The following KCND2 variants were observed in gnomAD, a reference collection of about 807,000 sequenced individuals.
KCND2 encodes A-type voltage-gated potassium channel KCND2.
In KCND2, 16 loss-of-function variants were observed where a neutral mutation model predicts 54.4. The ratio of observed to expected loss-of-function variants is 0.29; its 90% CI spans 0.20 to 0.45. KCND2 has a LOEUF of 0.45. KCND2 is among the 20% of genes least tolerant of loss of function. KCND2 has a pLI of 1.00. For missense variants in KCND2, 486 were observed against 824.2 expected, an observed-to-expected ratio of 0.59 and a Z score of 5.02; for synonymous variants, 317 against 310.7, an observed-to-expected ratio of 1.02 and a Z score of -0.21.
At chr7:120,678,482 T>C (rs1367210505) in intron 1 of KCND2, among the ~76,000 whole-genome samples, 1 of 147,072 alleles carries the variant, frequency 6.8e-6, no homozygotes, top group Non-Finnish European at 1.5e-5. Flanking sequence ...CTTACATACA[T>C]ACACATAAAT....
chr7:120,302,094 A>G (rs554467030), intron 1 of KCND2, among the ~76,000 whole-genome samples: 32 of 152,314 alleles, frequency 2.1e-4, no homozygotes, highest in African/African-American at 7.0e-4. Context: ...TGTACATCAT[A>G]TGATATAAAG....
intron 1 of KCND2, among the ~76,000 whole-genome samples, chr7:120,459,321 C>T (rs1584787784): frequency 6.6e-6 from 1 of 152,230 alleles, no homozygotes; most frequent in African/African-American, 2.4e-5. Flanking sequence ...GCCTGGAATG[C>T]TCTTCCCTCA....
chr7:120,611,326 T>C (rs1792951871), intron 1 of KCND2, among the ~76,000 whole-genome samples: 1 of 152,210 alleles, frequency 6.6e-6, no homozygotes, highest in Non-Finnish European at 1.5e-5. Flanking sequence ...GAAACTGAAC[T>C]GTAAAGAAAT....
At chr7:120,716,811 A>G (rs1374429102) in intron 1 of KCND2, among the ~76,000 whole-genome samples, 1 of 152,132 alleles carries the variant, frequency 6.6e-6, no homozygotes, top group Middle Eastern at 3.2e-3. Context: ...ATGAATTCAA[A>G]GTCTTAATAT....
At chr7:120,555,685 TAC>T (rs1261518627) in intron 1 of KCND2, among the ~76,000 whole-genome samples, 4 of 152,190 alleles carry the variant, frequency 2.6e-5, no homozygotes, top group African/African-American at 7.2e-5. Flanking sequence ...TTTAAATAGG[TAC>T]ACAGTGTAAA....
intron 1 of KCND2, among the ~76,000 whole-genome samples, chr7:120,472,654 A>T (rs1802476376): frequency 6.6e-6 from 1 of 151,872 alleles, no homozygotes; most frequent in South Asian, 2.1e-4. Context: ...AACTTTATGG[A>T]GGAGACCTGG....
intron 1 of KCND2, among the ~76,000 whole-genome samples, chr7:120,496,811 C>T (rs1276650476): frequency 6.6e-6 from 1 of 152,114 alleles, no homozygotes; most frequent in Non-Finnish European, 1.5e-5. Context: ...GTATTATACT[C>T]CAGTTTGTGT....
chr7:120,497,041 C>T lies in KCND2; in HGVS notation c.1115+221294C>T, dbSNP rs182493196. 9.7e-4 allele frequency among the ~76,000 whole-genome samples: 147 copies of T among 152,254 alleles called. 1 individual carries two copies. The highest frequency in any genetic ancestry group is 9.4e-3 in the Admixed American group (144 of 15,284). The stretch of plus-strand genomic sequence containing the variant: ...TTCTTCTTAAGATAAAGATAATTTA[C>T]AAGAACTGTCATGTCTGAGACTATA... On this transcript the variant is annotated intron_variant, in intron 1 of 5. Coordinates refer to ENST00000331113, the MANE Select transcript of KCND2 (RefSeq NM_012281.3).
At chr7:120,489,796 T>C (rs1473571967) in intron 1 of KCND2, among the ~76,000 whole-genome samples, 1 of 152,146 alleles carries the variant, frequency 6.6e-6, no homozygotes, top group Non-Finnish European at 1.5e-5. Flanking sequence ...TTTATAAATA[T>C]GTGGGTCTTG....
Position 120,745,983 on chromosome 7 carries a change from C to T in KCND2, c.1671C>T (p.Ser557=), listed in dbSNP as rs369805149. The change falls in exon 5 of 6, where the codon AGC becomes AGT. Residue 557 remains serine, a synonymous_variant. Transcript: ENST00000331113. ...ATCAAGGTAGTATACAAGAACTCAG[C>T]ACGATTCAGATCAGATGTGTGGAGA... ...GSHQGSIQEL[S]TIQIRCVERT... is the part of the protein sequence containing the mutation. 5 of 1,613,772 alleles carry T rather than the reference C, an allele frequency of 3.1e-6. No homozygotes were observed. In the Admixed American group the frequency reaches 8.3e-5, roughly 27 times the overall value.
At chr7:120,284,407 A>G (rs181760876) in intron 1 of KCND2, among the ~76,000 whole-genome samples, 6 of 152,232 alleles carry the variant, frequency 3.9e-5, no homozygotes, top group Admixed American at 3.3e-4. Flanking sequence ...GGAAAAATGA[A>G]ATTCTTCTCC....
intron 1 of KCND2, among the ~76,000 whole-genome samples, chr7:120,568,880 C>T (rs902999757): frequency 6.6e-6 from 1 of 152,130 alleles, no homozygotes; most frequent in African/African-American, 2.4e-5. Flanking sequence ...TTCATAAGGG[C>T]AGGGGCATAT....
chr7:120,477,192 G>A (rs918718237), intron 1 of KCND2, among the ~76,000 whole-genome samples: 2 of 152,198 alleles, frequency 1.3e-5, no homozygotes, highest in African/African-American at 4.8e-5. Context: ...GAATAGCTTA[G>A]AGTGGCATTC....
chr7:120,463,311 C>A (rs1028377022), intron 1 of KCND2, among the ~76,000 whole-genome samples: 4 of 151,728 alleles, frequency 2.6e-5, no homozygotes, highest in Admixed American at 6.6e-5. Flanking sequence ...AACTGATACC[C>A]TCCTTCTTTA....
chr7:120,324,423 A>C (rs1463637647), intron 1 of KCND2, among the ~76,000 whole-genome samples: 1 of 144,330 alleles, frequency 6.9e-6, no homozygotes, highest in South Asian at 2.4e-4. Flanking sequence ...TAGGGTTTTT[A>C]TGGTTTTAGG....
chr7:120,406,340 T>C (rs1801357728), intron 1 of KCND2, among the ~76,000 whole-genome samples: 1 of 152,044 alleles, frequency 6.6e-6, no homozygotes, highest in Non-Finnish European at 1.5e-5. Context: ...CTCAATCATA[T>C]GAAATTTTCT....
chr7:120,555,612 A>C (rs1250434269), intron 1 of KCND2, among the ~76,000 whole-genome samples: 1 of 152,254 alleles, frequency 6.6e-6, no homozygotes, highest in Non-Finnish European at 1.5e-5. Flanking sequence ...ATAACTGTAG[A>C]GATTAAAATC....
intron 1 of KCND2, among the ~76,000 whole-genome samples, chr7:120,399,397 C>G (rs992092647): frequency 6.6e-6 from 1 of 151,382 alleles, no homozygotes; most frequent in Non-Finnish European, 1.5e-5. Context: ...AGGAAAAAAA[C>G]AAAGGGCATC....
chr7:120,502,028 G>T (rs1295657229), intron 1 of KCND2, among the ~76,000 whole-genome samples: 1 of 152,152 alleles, frequency 6.6e-6, no homozygotes, highest in East Asian at 1.9e-4. Flanking sequence ...TGGACAATGA[G>T]ATGTAATCAG....
Sources: allele counts gnomAD v4.1 joint callset (sites outside exome capture counted in the v4.1 genomes callset), GRCh38; gene constraint gnomAD v4.1.1; transcripts MANE v1.5; gene names NCBI Gene and HGNC (gene_info 2026-07-23, HGNC 2026-07-21).